SSBP3: variants seen among roughly 807,000 people sequenced by gnomAD.
SSBP3 encodes the protein single stranded DNA binding protein 3, also known as single-stranded DNA-binding protein 3.
SSBP3 carries 5 observed loss-of-function variants against 69.6 expected under a neutral mutation model. The observed-to-expected ratio is 0.07, with a 90% CI of 0.04 to 0.15. SSBP3 has a LOEUF of 0.15. SSBP3 is among the 10% of genes least tolerant of loss of function. The pLI is 1.00. For missense variants in SSBP3, 312 were observed against 534.0 expected (o/e 0.58, Z 4.10); for synonymous variants, 196 against 193.4 (o/e 1.01, Z -0.11).
chr1:54,248,284 G>A (rs1047525814), intron 9 of SSBP3, among the ~76,000 whole-genome samples: 5 of 152,170 alleles, frequency 3.3e-5, no homozygotes, highest in Admixed American at 6.5e-5. Flanking sequence ...CTGACAGCCC[G>A]GGCTGTGGCA....
At chr1:54,230,943 TCTGA>T (rs747774318) in intron 14 of SSBP3, among the ~76,000 whole-genome samples, 15 of 152,200 alleles carry the variant, frequency 9.9e-5, no homozygotes, top group African/African-American at 2.4e-4. Context: ...ATTTTCACTG[TCTGA>T]CTATTATGAC....
chr1:54,230,991 C>T (rs573175745), intron 14 of SSBP3, among the ~76,000 whole-genome samples: 6 of 152,284 alleles, frequency 3.9e-5, no homozygotes, highest in South Asian at 4.1e-4. Context: ...TCATGTCTGC[C>T]GTGTGGACAT....
chr1:54,269,534 C>A (rs1165279689), intron 5 of SSBP3, among the ~76,000 whole-genome samples: 1 of 152,208 alleles, frequency 6.6e-6, no homozygotes, highest in Non-Finnish European at 1.5e-5. Flanking sequence ...TTGGCTATTA[C>A]AATTAATCTA....
At chr1:54,372,752 C>T (rs1430178366) in intron 4 of SSBP3, among the ~76,000 whole-genome samples, 1 of 152,174 alleles carries the variant, frequency 6.6e-6, no homozygotes, top group Non-Finnish European at 1.5e-5. Context: ...GCACTGCACA[C>T]CTGTATTGCT....
chr1:54,398,642 G>A (rs1428746228), intron 4 of SSBP3, among the ~76,000 whole-genome samples: 3 of 152,130 alleles, frequency 2.0e-5, no homozygotes, highest in African/African-American at 7.2e-5. Flanking sequence ...GATCCCATGG[G>A]CTTTTGTCAA....
intron 4 of SSBP3, among the ~76,000 whole-genome samples, chr1:54,399,816 T>TA (rs565474460): frequency 6.6e-5 from 10 of 152,318 alleles, no homozygotes; most frequent in Non-Finnish European, 1.2e-4. Context: ...AAGTTCTTCT[T>TA]AGTTTTCCAC....
chr1:54,343,658 G>A (rs143903998), intron 4 of SSBP3, among the ~76,000 whole-genome samples: 112 of 152,278 alleles, frequency 7.4e-4, no homozygotes, highest in African/African-American at 2.6e-3. Context: ...AGAGAGGAGG[G>A]CAATGAATTT....
At chr1:54,338,179 G>A (rs1157526399) in intron 4 of SSBP3, among the ~76,000 whole-genome samples, 1 of 152,230 alleles carries the variant, frequency 6.6e-6, no homozygotes, top group South Asian at 2.1e-4. Flanking sequence ...TGTGGTCCAG[G>A]TGTCCCTCTC....
At chr1:54,271,478 G>A (rs138096181) in intron 5 of SSBP3, among the ~76,000 whole-genome samples, 13 of 152,292 alleles carry the variant, frequency 8.5e-5, no homozygotes, top group Admixed American at 2.0e-4. Flanking sequence ...GATTTGCTGC[G>A]CGACTGTTCC....
intron 4 of SSBP3, among the ~76,000 whole-genome samples, chr1:54,301,327 G>A (rs977961453): frequency 3.9e-5 from 6 of 152,140 alleles, no homozygotes; most frequent in Non-Finnish European, 8.8e-5. Flanking sequence ...GCAGCAGCAC[G>A]CCAACTTTGG....
At chr1:54,331,889 G>T (rs1055136130) in intron 4 of SSBP3, among the ~76,000 whole-genome samples, 1 of 152,208 alleles carries the variant, frequency 6.6e-6, no homozygotes, top group African/African-American at 2.4e-5. Context: ...CTAACACAGG[G>T]TCTTTCCCAC....
At chr1:54,275,636 A>G (rs1408565902) in intron 5 of SSBP3, among the ~76,000 whole-genome samples, 3 of 152,216 alleles carry the variant, frequency 2.0e-5, no homozygotes, top group African/African-American at 7.2e-5. Context: ...TCCACTGGGC[A>G]TCCTGCCACT....
chr1:54,332,741 T>TA (rs145243761), intron 4 of SSBP3, among the ~76,000 whole-genome samples: 7,200 of 151,516 alleles, frequency 0.048, 525 homozygotes, highest in African/African-American at 0.15. Context: ...GGGAGAAAGA[T>TA]AAAAAAAACG....
At chr1:54,299,191 G>T (rs1455261893) in intron 4 of SSBP3, among the ~76,000 whole-genome samples, 1 of 151,806 alleles carries the variant, frequency 6.6e-6, no homozygotes, top group African/African-American at 2.4e-5. Context: ...AAGGGGGCAC[G>T]CCTAGCCAAG....
chr1:54,358,865 G>T lies in SSBP3; in HGVS notation c.276+42996C>A, dbSNP rs542531219. ...AGCTAAACCTCACTTAAGAGGCAGGGATGTTGGCATTTGGGAGCAGGAAAC... is the reference window on the plus strand; with the variant it reads ...AGCTAAACCTCACTTAAGAGGCAGGTATGTTGGCATTTGGGAGCAGGAAAC... On this transcript the variant is annotated intron_variant, in intron 4 of 17. Transcript: ENST00000610401. 5.3e-5 allele frequency among the ~76,000 whole-genome samples: 8 copies of T among 152,298 alleles called. No individual in the cohort carries two copies. The South Asian group carries it at 1.4e-3, about 28-fold the overall frequency.
chr1:54,309,104 C>T (rs907984529), intron 4 of SSBP3, among the ~76,000 whole-genome samples: 5 of 152,170 alleles, frequency 3.3e-5, no homozygotes, highest in East Asian at 1.9e-4. Flanking sequence ...GCATCCCATG[C>T]GGACAAGCAA....
exon 18 of SSBP3, chr1:54,227,036 C>G (rs1644296081): frequency 5.7e-6 from 6 of 1,055,812 alleles, no homozygotes; most frequent in Non-Finnish European, 7.4e-6. Context: ...GCCCTCCCCA[C>G]CAGCTCCTGG....
intron 4 of SSBP3, among the ~76,000 whole-genome samples, chr1:54,367,090 GCCAGAAGTAGGGCTGCCTCTTT>G (rs1399842255): frequency 6.6e-6 from 1 of 152,190 alleles, no homozygotes; most frequent in East Asian, 1.9e-4. Flanking sequence ...CATACCAGAG[GCCAGAAGTAGGGCTGCCTCTTT>G]CCTTTGCTGC....
intron 4 of SSBP3, among the ~76,000 whole-genome samples, chr1:54,300,043 A>G (rs953196726): frequency 6.6e-6 from 1 of 152,174 alleles, no homozygotes; most frequent in Non-Finnish European, 1.5e-5. Context: ...CCAGAACTCA[A>G]TAATCAGTGA....
Sources: allele counts gnomAD v4.1 joint callset (sites outside exome capture counted in the v4.1 genomes callset), GRCh38; gene constraint gnomAD v4.1.1; transcripts MANE v1.5; gene names NCBI Gene and HGNC (gene_info 2026-07-23, HGNC 2026-07-21).